The following IKZF5 variants were observed in gnomAD, a reference collection of about 807,000 sequenced individuals.
The protein encoded by IKZF5 is zinc finger protein Pegasus.
IKZF5 carries 4 observed loss-of-function variants against 30.7 expected under a neutral mutation model. The ratio of observed to expected loss-of-function variants is 0.13; its 90% CI spans 0.06 to 0.30. The LOEUF (loss-of-function observed/expected upper bound fraction) is 0.30, where lower values mean the gene tolerates loss of function less well. Among genes scored for constraint, IKZF5 ranks in the 10% least tolerant of loss-of-function variants. The pLI is 1.00. For missense variants in IKZF5, 348 were observed against 525.5 expected, an observed-to-expected ratio of 0.66 and a Z score of 3.30; for synonymous variants, 148 against 179.6, an observed-to-expected ratio of 0.82 and a Z score of 1.41.
At chr10:122,997,606 G>A (rs10159750) in intron 3 of IKZF5, 45,227 of 152,118 alleles carry the variant, frequency 0.3, 7,968 homozygotes, top group Non-Finnish European at 0.39. Context: ...TTATAAGGCC[G>A]TACCCAGACT....
Position 122,992,454 on chromosome 10 carries a change from A to C in IKZF5, c.*1326T>G, listed in dbSNP as rs1316839477. On this transcript the variant is annotated 3_prime_UTR_variant, in exon 5 of 5. Coordinates refer to ENST00000368886, the MANE Select transcript of IKZF5 (RefSeq NM_001372123.1). ...ACAGAAAAGAAACCAAGTTAGTAAC[A>C]ATGTATTTTATTGTTTGACCAAGCT... 1 of 152,216 alleles carries C rather than the reference A, an allele frequency of 6.6e-6. No individual in the cohort carries two copies. The highest frequency in any genetic ancestry group is 1.5e-5 in the Non-Finnish European group (1 of 68,022). The allele number at this position is 152,216 out of a possible 1,614,324, so 9.4% of individuals were successfully genotyped here. A position where few individuals can be genotyped will look rare whatever the true frequency, so the allele number is the denominator to read the frequency against.
rs1849148045 is a variant in IKZF5 at position 122,991,090 on chromosome 10, AT to A, written c.*2689del. On this transcript the variant is annotated 3_prime_UTR_variant, in exon 5 of 5. Transcript: ENST00000368886. ...AAAAATTAACATTCATTTGATAAAT[AT>A]TTTGTAGAACTTGAAATGAGGATTT... 1 of 152,098 alleles carries A rather than the reference AT, an allele frequency of 6.6e-6. No homozygotes were observed. Among genetic ancestry groups the A allele is most frequent in the East Asian group, 1.9e-4 (1 of 5,202 alleles). The allele number at this position is 152,098 out of a possible 1,614,324, so 9.4% of individuals were successfully genotyped here. A position where few individuals can be genotyped will look rare whatever the true frequency, so the allele number is the denominator to read the frequency against.
chr10:123,005,384 T>A (rs1477922203), intron 2 of IKZF5, among the ~76,000 whole-genome samples: 1 of 152,234 alleles, frequency 6.6e-6, no homozygotes, highest in Non-Finnish European at 1.5e-5. Context: ...TTTAGTGGTA[T>A]CTTTCCTATA....
intron 1 of IKZF5, 69 bp downstream of exon 1, chr10:123,008,625 C>G (rs1849920341): frequency 3.1e-6 from 1 of 320,862 alleles, no homozygotes; most frequent in Non-Finnish European, 6.1e-6. Context: ...CTCCAGTCTC[C>G]GGCCGCTCCT....
intron 2 of IKZF5, among the ~76,000 whole-genome samples, chr10:123,003,053 G>A (rs554733478): frequency 4.0e-5 from 6 of 148,976 alleles, no homozygotes; most frequent in East Asian, 2.0e-4. Context: ...TTTTTGAGAC[G>A]GAGTTTCGTT....
At chr10:123,003,759 T>C (rs1849688064) in intron 2 of IKZF5, among the ~76,000 whole-genome samples, 1 of 152,228 alleles carries the variant, frequency 6.6e-6, no homozygotes, top group African/African-American at 2.4e-5. Flanking sequence ...AAAAATATAC[T>C]GAGCATCTGT....
At position 122,996,043 on chromosome 10, in the gene IKZF5, A is replaced by G; in HGVS notation, c.267T>C (p.Tyr89=). 1 of 1,614,062 alleles carries G rather than the reference A, an allele frequency of 6.2e-7. No individual in the cohort carries two copies. Among genetic ancestry groups the G allele is most frequent in the Non-Finnish European group, 8.5e-7 (1 of 1,180,020 alleles). The change falls in exon 4 of 5, where the codon TAT becomes TAC. Residue 89 remains tyrosine (Y), a synonymous_variant. Coordinates refer to ENST00000368886, the MANE Select transcript of IKZF5 (RefSeq NM_001372123.1). ...DGKLKCRYCN[Y]ASKGTARLIE... is the part of the protein sequence containing the mutation. ...TAAGCCGGGCTGTTCCTTTGCTGGC[A>G]TAGTTGCAGTACCGACACTTAAGCT...
At position 122,990,966 on chromosome 10, in the gene IKZF5, AAT is replaced by A. The variant is rs1214150384; in HGVS notation, c.*2812_*2813del. The A allele has an allele frequency of 6.6e-6, 1 of 151,686 alleles. No homozygotes were observed. The highest frequency in any genetic ancestry group is 2.4e-5 in the African/African-American group (1 of 41,252). 9.4% of individuals were successfully genotyped at this position (151,686 alleles called of 1,614,324 possible). A position where few individuals can be genotyped will look rare whatever the true frequency, so the allele number is the denominator to read the frequency against. Reference sequence around the variant, plus strand: ...AATGCAAGTTATGTTTTGCATACAAAATATGTTCTTTACATCAAAGCACATGT... The same window carrying A: ...AATGCAAGTTATGTTTTGCATACAAAATGTTCTTTACATCAAAGCACATGT... On this transcript the variant is annotated 3_prime_UTR_variant, in exon 5 of 5. Transcript: ENST00000368886.
chr10:123,003,275 C>T (rs947471192), intron 2 of IKZF5, among the ~76,000 whole-genome samples: 2 of 150,712 alleles, frequency 1.3e-5, no homozygotes, highest in Non-Finnish European at 2.9e-5. Context: ...CTAAACAATA[C>T]AGTGTAACTA....
chr10:123,007,481 A>G (rs183622888), intron 1 of IKZF5, among the ~76,000 whole-genome samples: 2 of 152,360 alleles, frequency 1.3e-5, no homozygotes, highest in Non-Finnish European at 2.9e-5. Context: ...GATTAACTTC[A>G]TTTAGTCACA....
At chr10:122,995,261 T>C (rs1223371182) in intron 4 of IKZF5, among the ~76,000 whole-genome samples, 1 of 152,230 alleles carries the variant, frequency 6.6e-6, no homozygotes, top group Non-Finnish European at 1.5e-5. Flanking sequence ...CTAGTGCTTC[T>C]CCTCCATCTT....
At chr10:122,998,343 T>C in intron 3 of IKZF5, 150 bp downstream of exon 3, 1 of 615,056 alleles carries the variant, frequency 1.6e-6, no homozygotes, top group Non-Finnish European at 2.7e-6. Context: ...GTCTGATATG[T>C]TTAAAAAAGG....
chr10:123,003,220 G>A (rs1473227853), intron 2 of IKZF5, among the ~76,000 whole-genome samples: 1 of 114,016 alleles, frequency 8.8e-6, no homozygotes, highest in Non-Finnish European at 1.8e-5. Flanking sequence ...TTTTAGTAGA[G>A]AGGGGGTTTC....
intron 2 of IKZF5, among the ~76,000 whole-genome samples, chr10:123,001,263 C>T (rs1182156912): frequency 6.6e-6 from 1 of 152,154 alleles, no homozygotes; most frequent in Non-Finnish European, 1.5e-5. Context: ...ACCTCGGCCT[C>T]CCAAAGGGCT....
In IKZF5 at chr10:122,993,354, C is replaced by G. The variant is rs909777601; in HGVS notation, c.*426G>C. ...TTTAAGGCAATTTCTGTACTAAACA[C>G]TGAAATGAGTAGTAATAAATTCTGT... On this transcript the variant is annotated 3_prime_UTR_variant, in exon 5 of 5. Coordinates refer to ENST00000368886, the MANE Select transcript of IKZF5 (RefSeq NM_001372123.1). 1.3e-5 allele frequency: 2 copies of G among 153,266 alleles called. No homozygotes were observed. Among genetic ancestry groups the G allele is most frequent in the African/African-American group, 4.8e-5 (2 of 41,442 alleles). The allele number at this position is 153,266 out of a possible 1,614,324, so 9.5% of individuals were successfully genotyped here.
intron 2 of IKZF5, among the ~76,000 whole-genome samples, chr10:123,000,539 C>T (rs1466199664): frequency 6.6e-6 from 1 of 152,180 alleles, no homozygotes; most frequent in Non-Finnish European, 1.5e-5. Context: ...CATATTACTA[C>T]ACGTTTTTTG....
chr10:122,998,012 C>T (rs1471717266), intron 3 of IKZF5, among the ~76,000 whole-genome samples: 4 of 152,172 alleles, frequency 2.6e-5, no homozygotes, highest in African/African-American at 9.7e-5. Flanking sequence ...GCAAATTAGA[C>T]AAAATTTACC....
chr10:122,994,221 T>C lies in IKZF5; in HGVS notation c.819A>G (p.Ala273=), dbSNP rs1485210559. ...CAGGGCAGGGAACTACATCAGGGGA[T>C]GCAGGGTTTTGGTTTTCGGGTGGCA... ...SSLPPENQNP[A]SPDVVPCPDE... The change falls in exon 5 of 5, where the codon GCA becomes GCG. Residue 273 remains alanine, a synonymous_variant. Coordinates refer to ENST00000368886, the MANE Select transcript of IKZF5 (RefSeq NM_001372123.1). The surrounding 1 kb of genome is among the most constrained non-coding windows in gnomAD (Gnocchi z 5.6). The C allele has an allele frequency of 1.2e-6, 2 of 1,614,074 alleles. No homozygotes were observed. Among genetic ancestry groups the C allele is most frequent in the South Asian group, 1.1e-5 (1 of 91,072 alleles).
At chr10:123,008,620 G>C in intron 1 of IKZF5, 74 bp downstream of exon 1, 1 of 316,400 alleles carries the variant, frequency 3.2e-6, no homozygotes, top group Non-Finnish European at 6.3e-6. Context: ...CCCAGCTCCA[G>C]TCTCCGGCCG....
Sources: gnomAD v4.1 joint callset for allele counts (sites outside exome capture counted in the v4.1 genomes callset) on GRCh38, gnomAD v4.1.1 for gene constraint, Gnocchi (gnomAD v3.1) non-coding constraint, MANE v1.5 for transcripts, NCBI Gene and HGNC (gene_info 2026-07-23, HGNC 2026-07-21) for gene names.